SLC41A1: variants seen among roughly 807,000 people sequenced by gnomAD.
SLC41A1 encodes the protein solute carrier family 41 (magnesium transporter), member 1.
Under a neutral mutation model 47.3 loss-of-function variants are expected in SLC41A1, and 20 were observed. The ratio of observed to expected loss-of-function variants is 0.42; its 90% CI spans 0.30 to 0.61. The LOEUF is 0.61. SLC41A1 is among the 20% of genes least tolerant of loss of function. The pLI, the probability that SLC41A1 is intolerant of heterozygous loss-of-function variation, is 0.17. For missense variants in SLC41A1, 504 were observed against 674.1 expected (o/e 0.75, Z 2.79); for synonymous variants, 282 against 272.7 (o/e 1.03, Z -0.34).
intron 2 of SLC41A1, 114 bp from the exon 3 acceptor site, chr1:205,801,174 G>A (rs1288529897): frequency 8.7e-6 from 7 of 801,738 alleles, no homozygotes; most frequent in Non-Finnish European, 1.5e-5. Context: ...AGCAGGGAGT[G>A]AGCACGCCAG....
chr1:205,800,679 G>T (rs1655858528), intron 3 of SLC41A1, among the ~76,000 whole-genome samples: 1 of 152,156 alleles, frequency 6.6e-6, no homozygotes, highest in Admixed American at 6.5e-5. Flanking sequence ...TCACGAGGTG[G>T]TTGAGAGGTA....
chr1:205,799,176 C>A (rs1209368307), intron 4 of SLC41A1, 75 bp from the exon 5 acceptor site: 2 of 1,596,636 alleles, frequency 1.3e-6, no homozygotes, highest in Non-Finnish European at 1.7e-6. Context: ...AGCATCTGGG[C>A]AGACCTCTTC....
At chr1:205,807,642 C>T (rs545674381) in intron 2 of SLC41A1, among the ~76,000 whole-genome samples, 229 of 138,090 alleles carry the variant, frequency 1.7e-3, no homozygotes, top group African/African-American at 2.7e-3. Flanking sequence ...ATAGGCTCCT[C>T]GTAGAGTCTT....
intron 2 of SLC41A1, among the ~76,000 whole-genome samples, chr1:205,808,980 C>T (rs1396756783): frequency 3.3e-5 from 5 of 152,172 alleles, no homozygotes; most frequent in South Asian, 2.1e-4. Flanking sequence ...GAAGGTGATG[C>T]TAAGCTTCGT....
chr1:205,810,646 C>A lies in SLC41A1; in HGVS notation c.-205G>T. The A allele has an allele frequency of 1.4e-6, 1 of 721,810 alleles. No homozygotes were observed. The highest frequency in any genetic ancestry group is 2.2e-6 in the Non-Finnish European group (1 of 446,540). 44.7% of individuals were successfully genotyped at this position (721,810 alleles called of 1,614,324 possible). A position where few individuals can be genotyped will look rare whatever the true frequency, so the allele number is the denominator to read the frequency against. ...CCCCATCAAGCACTGAAGCCGCAAG[C>A]TGGGAAGAAACAAGAAATTCCTCAC... On this transcript the variant is annotated 5_prime_UTR_variant, in exon 2 of 11. Coordinates refer to ENST00000367137, the MANE Select transcript of SLC41A1 (RefSeq NM_173854.6). This position sits in a 1 kb window ranked among gnomAD's most constrained non-coding sequence, Gnocchi z 5.5.
chr1:205,803,163 C>T (rs753968465), intron 2 of SLC41A1, among the ~76,000 whole-genome samples: 5 of 151,812 alleles, frequency 3.3e-5, no homozygotes, highest in Non-Finnish European at 5.9e-5. Flanking sequence ...AGCAAGACTC[C>T]GTCTCAAGAA....
rs1262422702 is a variant in SLC41A1, at chr1:205,807,635, G to GGCTCCTCGTAGAGTCTTTTTTTTTT, written c.372+2410_372+2434dup. ...TCTTCAAGGAAAGACAAAGAAAATA[G>GGCTCCTCGTAGAGTCTTTTTTTTTT]GCTCCTCGTAGAGTCTTTTTTTTTT... On this transcript the variant is annotated intron_variant, in intron 2 of 10. Transcript: ENST00000367137. Among the ~76,000 whole-genome samples the GGCTCCTCGTAGAGTCTTTTTTTTTT allele has an allele frequency of 3.3e-5, 5 of 149,634 alleles. No homozygotes were observed. The East Asian group carries it at 7.9e-4, about 24-fold the overall frequency.
chr1:205,812,620 GC>G (rs1210540118), intron 1 of SLC41A1, 187 bp downstream of exon 1: 1 of 340,826 alleles, frequency 2.9e-6, no homozygotes, highest in Non-Finnish European at 4.2e-6. Context: ...GAACCAGGAC[GC>G]CCTATCCCCT....
chr1:205,806,250 G>A (rs1026209831), intron 2 of SLC41A1, among the ~76,000 whole-genome samples: 2 of 152,224 alleles, frequency 1.3e-5, no homozygotes, highest in African/African-American at 4.8e-5. Flanking sequence ...GTCAAGTGAA[G>A]CAGATAAGAG....
intron 7 of SLC41A1, 75 bp from the exon 8 acceptor site, chr1:205,797,078 A>G (rs1212332141): frequency 1.2e-4 from 158 of 1,300,900 alleles, no homozygotes; most frequent in Non-Finnish European, 1.4e-4. Context: ...TGAGAGGTCC[A>G]GGCCCACCTA....
In SLC41A1 at chr1:205,812,791, G is replaced by T. The variant is rs1656189504; in HGVS notation, c.-647+17C>A. Reference sequence around the variant, plus strand: ...CTCCACCACCCCCTCCCCGCCCCAGGACCCCACAGGACTGACCTGCCCCTC... The same window carrying T: ...CTCCACCACCCCCTCCCCGCCCCAGTACCCCACAGGACTGACCTGCCCCTC... On this transcript the variant is annotated intron_variant, in intron 1 of 10. Transcript: ENST00000367137. 2.0e-6 allele frequency: 2 copies of T among 984,860 alleles called. No homozygotes were observed. Among genetic ancestry groups the T allele is most frequent in the East Asian group, 1.1e-4 (1 of 8,788 alleles). The allele number at this position is 984,860 out of a possible 1,614,324, so 61.0% of individuals were successfully genotyped here.
chr1:205,801,470 T>C (rs1347247737), intron 2 of SLC41A1: 2 of 298,354 alleles, frequency 6.7e-6, no homozygotes, highest in Non-Finnish European at 1.3e-5. Flanking sequence ...AGTTTCTCTG[T>C]TGTCTCAGCT....
At chr1:205,803,370 A>G (rs148821068) in intron 2 of SLC41A1, among the ~76,000 whole-genome samples, 1 of 152,370 alleles carries the variant, frequency 6.6e-6, no homozygotes, top group East Asian at 1.9e-4. Flanking sequence ...TAATATGCCC[A>G]TGTTCATAGT....
At chr1:205,799,376 G>A (rs1484216478) in intron 4 of SLC41A1, among the ~76,000 whole-genome samples, 1 of 152,038 alleles carries the variant, frequency 6.6e-6, no homozygotes, top group East Asian at 1.9e-4. Context: ...CAACAGAGCC[G>A]GAGACTTCCA....
At chr1:205,802,445 A>C (rs1047017782) in intron 2 of SLC41A1, among the ~76,000 whole-genome samples, 5 of 152,192 alleles carry the variant, frequency 3.3e-5, no homozygotes, top group African/African-American at 1.2e-4. Context: ...GGCCGAGCGC[A>C]GCGGCTCACA....
At chr1:205,799,622 A>C in intron 4 of SLC41A1, 137 bp downstream of exon 4, 5 of 948,820 alleles carry the variant, frequency 5.3e-6, no homozygotes, top group Non-Finnish European at 8.3e-6. Flanking sequence ...GTTACCTCCT[A>C]GAGCTACTCT....
intron 6 of SLC41A1, 139 bp downstream of exon 6, chr1:205,798,530 T>G: frequency 7.6e-7 from 1 of 1,313,444 alleles, no homozygotes; most frequent in Non-Finnish European, 1.1e-6. Flanking sequence ...TTCAAATCTC[T>G]AAGATCAGGA....
chr1:205,797,095 G>T (rs1655768270), intron 7 of SLC41A1, 92 bp from the exon 8 acceptor site: 1 of 1,120,074 alleles, frequency 8.9e-7, no homozygotes, highest in Non-Finnish European at 1.3e-6. Flanking sequence ...CCTATCCTTG[G>T]AGATGAAGGG....
chr1:205,799,666 C>G, intron 4 of SLC41A1, 93 bp downstream of exon 4: 1 of 1,374,658 alleles, frequency 7.3e-7, no homozygotes, highest in Non-Finnish European at 1.0e-6. Context: ...ACTGGAGATT[C>G]ACTCAGGAGC....
Sources: allele counts gnomAD v4.1 joint callset (sites outside exome capture counted in the v4.1 genomes callset), GRCh38; gene constraint gnomAD v4.1.1; non-coding constraint Gnocchi (gnomAD v3.1); transcripts MANE v1.5; gene names NCBI Gene and HGNC (gene_info 2026-07-23, HGNC 2026-07-21).